Variants in ITPR3 observed in about 807,000 individuals in gnomAD.
ITPR3 encodes inositol 1,4,5-trisphosphate receptor type 3, also known as inositol 1,4,5-trisphosphate-gated calcium channel ITPR3.
Under a neutral mutation model 293.2 loss-of-function variants are expected in ITPR3, and 173 were observed. The ratio of observed to expected loss-of-function variants is 0.59; its 90% CI spans 0.52 to 0.67. The LOEUF (loss-of-function observed/expected upper bound fraction) is 0.67. Ranked by LOEUF, ITPR3 falls within the 30% of genes least tolerant of loss-of-function variation. The pLI is 0.00. For synonymous variants in ITPR3, 1,295 were observed against 1,444.4 expected, an observed-to-expected ratio of 0.90 and a Z score of 2.35; for missense variants, 2,796 against 3,592.1, an observed-to-expected ratio of 0.78 and a Z score of 5.66.
Position 33,633,364 on chromosome 6 carries a change from C to T in ITPR3, c.90-7120C>T, listed in dbSNP as rs758537346. Among the ~76,000 whole-genome samples, 116 of 152,308 alleles carry T rather than the reference C, an allele frequency of 7.6e-4. No individual in the cohort carries two copies. The highest frequency in any genetic ancestry group is 1.4e-3 in the Non-Finnish European group (93 of 68,020). ...GGGGTGAAGCGAAGCGGCCACTTAC[C>T]CCTGTAGAGCGCGGCTCTGGTTTCA... On this transcript the variant is annotated intron_variant, in intron 1 of 57. Transcript: ENST00000605930. The surrounding 1 kb of genome is among the most constrained non-coding windows in gnomAD (Gnocchi z 5.2).
rs376960318 is a variant in ITPR3 at position 33,683,974 on chromosome 6, G to C, written c.4789-46G>C. ...GGTCGGAGGAATGGCAGTCACACCC[G>C]GGTCATTTCTTGGGCCTGGCAATGA... On this transcript the variant is annotated intron_variant, in intron 35 of 57. Coordinates refer to ENST00000605930, the MANE Select transcript of ITPR3 (RefSeq NM_002224.4). The surrounding 1 kb of genome is among the most constrained non-coding windows in gnomAD (Gnocchi z 4.5). 1 of 1,552,462 alleles carries C rather than the reference G, an allele frequency of 6.4e-7. No homozygotes were observed. The highest frequency in any genetic ancestry group is 1.4e-5 in the African/African-American group (1 of 73,848).
rs1024261542 is a variant in ITPR3 at position 33,667,624 on chromosome 6, A to G, written c.1714-168A>G. The stretch of plus-strand genomic sequence containing the variant: ...GAAACAGCCCACAAGCTAAATAACT[A>G]TGTAATGTAAGCCACTCTTCTGCCC... On this transcript the variant is annotated intron_variant, in intron 15 of 57. Coordinates refer to ENST00000605930, the MANE Select transcript of ITPR3 (RefSeq NM_002224.4). The surrounding 1 kb of genome is among the most constrained non-coding windows in gnomAD (Gnocchi z 4.4). 3.3e-5 allele frequency among the ~76,000 whole-genome samples: 5 copies of G among 152,190 alleles called. No homozygotes were observed. The highest frequency in any genetic ancestry group is 1.9e-4 in the East Asian group (1 of 5,196).
rs760282940 is a variant in ITPR3, at chr6:33,687,289, C to G, written c.6139C>G (p.Arg2047Gly). The G allele has an allele frequency of 1.2e-6, 2 of 1,613,234 alleles. No homozygotes were observed. Among genetic ancestry groups the G allele is most frequent in the South Asian group, 2.2e-5 (2 of 91,046 alleles). ...GCGTGAGAACTCGGAGGTGAGCCCACGTGAAGTGGGCCATAACATCTATAT... is the reference window on the plus strand; with the variant it reads ...GCGTGAGAACTCGGAGGTGAGCCCAGGTGAAGTGGGCCATAACATCTATAT... ...EERENSEVSP[R>G]EVGHNIYILA... Residue 2047 changes from arginine (R) to glycine (G), a missense_variant, in exon 45 of 58, where the codon CGT (arginine) becomes GGT (glycine). By Grantham distance (125) the Arg-to-Gly change is moderately radical. This residue lies in a region of ITPR3 where 704 missense variants were observed against 797.5 expected (regional missense o/e 0.88). Transcript: ENST00000605930. The surrounding 1 kb of genome is among the most constrained non-coding windows in gnomAD (Gnocchi z 5.3).
In ITPR3 at chr6:33,692,683, ATG is replaced by A; in HGVS notation, c.7459-42_7459-41del. On this transcript the variant is annotated intron_variant, in intron 54 of 57. Transcript: ENST00000605930. The surrounding 1 kb of genome is among the most constrained non-coding windows in gnomAD (Gnocchi z 4.2). ...CCTGAGTCCTATCTTGCCCCAGTGA[ATG>A]TGGGGACCACCGGGCCCAGCCTCCC... is the stretch of plus-strand genomic sequence containing the variant. The A allele has an allele frequency of 6.3e-7, 1 of 1,596,338 alleles. No homozygotes were observed. Among genetic ancestry groups the A allele is most frequent in the Non-Finnish European group, 8.6e-7 (1 of 1,166,942 alleles).
At position 33,682,966 on chromosome 6, in the gene ITPR3, A is replaced by G. The variant is rs2296329; in HGVS notation, c.4598-241A>G. Among the ~76,000 whole-genome samples the G allele has an allele frequency of 0.19, 28,718 of 151,502 alleles. 3,143 individuals are homozygous for G. Among genetic ancestry groups the G allele is most frequent in the South Asian group, 0.33 (1,576 of 4,802 alleles). ...GGGAAGAAGAGAGGACAGGTGAGAGAGAGGAAGGGGAAGTCAGGGTAGAGC... is the reference window on the plus strand; with the variant it reads ...GGGAAGAAGAGAGGACAGGTGAGAGGGAGGAAGGGGAAGTCAGGGTAGAGC... On this transcript the variant is annotated intron_variant, in intron 34 of 57. Coordinates refer to ENST00000605930, the MANE Select transcript of ITPR3 (RefSeq NM_002224.4). This position sits in a 1 kb window ranked among gnomAD's most constrained non-coding sequence, Gnocchi z 5.4.
chr6:33,695,827 T>A lies in ITPR3; in HGVS notation c.*47T>A, dbSNP rs773831132. ...ACAGGGGATGCTCATCACTGGAGAC[T>A]GCGACTGGGAAGAACACTGCCCCCT... is the stretch of plus-strand genomic sequence containing the variant. On this transcript the variant is annotated 3_prime_UTR_variant, in exon 58 of 58. Transcript: ENST00000605930. 6.3e-7 allele frequency: 1 copy of A among 1,588,760 alleles called. No homozygotes were observed. The highest frequency in any genetic ancestry group is 1.1e-5 in the South Asian group (1 of 90,644).
chr6:33,649,705 T>C (rs1764145717), intron 2 of ITPR3, among the ~76,000 whole-genome samples: 1 of 152,218 alleles, frequency 6.6e-6, no homozygotes, highest in South Asian at 2.1e-4. Flanking sequence ...CTTGCTTTGC[T>C]CTCTGTCCTT....
At chr6:33,663,596 G>A (rs777369787) in intron 10 of ITPR3, 46 bp downstream of exon 10, 3 of 1,596,910 alleles carry the variant, frequency 1.9e-6, no homozygotes, top group Non-Finnish European at 2.6e-6. Context: ...GCCTGCCCTG[G>A]GGGTAGGCGG....
Position 33,667,637 on chromosome 6 carries a change from C to G in ITPR3, c.1714-155C>G, listed in dbSNP as rs1764645806. 6.6e-6 allele frequency among the ~76,000 whole-genome samples: 1 copy of G among 152,214 alleles called. No individual in the cohort carries two copies. Among genetic ancestry groups the G allele is most frequent in the Non-Finnish European group, 1.5e-5 (1 of 68,048 alleles). ...AGCTAAATAACTATGTAATGTAAGC[C>G]ACTCTTCTGCCCAGCGATGCTTCCT... On this transcript the variant is annotated intron_variant, in intron 15 of 57. Transcript: ENST00000605930. The surrounding 1 kb of genome is among the most constrained non-coding windows in gnomAD (Gnocchi z 4.4).
Position 33,655,662 on chromosome 6 carries a change from G to T in ITPR3, c.161-104G>T. 6.8e-7 allele frequency: 1 copy of T among 1,461,562 alleles called. No individual in the cohort carries two copies. The highest frequency in any genetic ancestry group is 9.4e-7 in the Non-Finnish European group (1 of 1,068,012). The allele number at this position is 1,461,562 out of a possible 1,614,324, so 90.5% of individuals were successfully genotyped here. A position where few individuals can be genotyped will look rare whatever the true frequency, so the allele number is the denominator to read the frequency against. On this transcript the variant is annotated intron_variant, in intron 2 of 57. Coordinates refer to ENST00000605930, the MANE Select transcript of ITPR3 (RefSeq NM_002224.4). This position sits in a 1 kb window ranked among gnomAD's most constrained non-coding sequence, Gnocchi z 4.9. ...TCTACCTGCAGCGGGGAACGGGGGT[G>T]GGGAAGGGTTGGGAGAGAAGAGCTG...
chr6:33,649,524 CTATTTT>C (rs1764141792), intron 2 of ITPR3, among the ~76,000 whole-genome samples: 1 of 152,220 alleles, frequency 6.6e-6, no homozygotes, highest in Admixed American at 6.5e-5. Flanking sequence ...CGCGCCCAGC[CTATTTT>C]TATTTTTAAG....
At chr6:33,636,610 G>T (rs1380362946) in intron 1 of ITPR3, among the ~76,000 whole-genome samples, 2 of 151,938 alleles carry the variant, frequency 1.3e-5, no homozygotes, top group African/African-American at 4.8e-5. Flanking sequence ...AGTTGCCATC[G>T]ACTGAGATGG....
At position 33,684,234 on chromosome 6, in the gene ITPR3, T is replaced by TGGGGACTAGACAGGCTCACTGGGTCAG; in HGVS notation, c.4937+67_4937+93dup. Reference sequence around the variant, plus strand: ...CGGCAGGGGACAGAGAAGGGCCCGGTGGGGACTAGACAGGCTCACTGGGTC... The same window carrying TGGGGACTAGACAGGCTCACTGGGTCAG: ...CGGCAGGGGACAGAGAAGGGCCCGGTGGGGACTAGACAGGCTCACTGGGTCAGGGGGACTAGACAGGCTCACTGGGTC... On this transcript the variant is annotated intron_variant, in intron 36 of 57. Transcript: ENST00000605930. This position sits in a 1 kb window ranked among gnomAD's most constrained non-coding sequence, Gnocchi z 4.2. The TGGGGACTAGACAGGCTCACTGGGTCAG allele has an allele frequency of 6.9e-6, 11 of 1,598,962 alleles. No homozygotes were observed. In the South Asian group the frequency reaches 1.2e-4, roughly 18 times the overall value.
rs533205079 is a variant in ITPR3, at chr6:33,633,936, G to C, written c.90-6548G>C. On this transcript the variant is annotated intron_variant, in intron 1 of 57. Transcript: ENST00000605930. This position sits in a 1 kb window ranked among gnomAD's most constrained non-coding sequence, Gnocchi z 5.2. ...GAACCGCTCCCACCACGCAGCGATG[G>C]GGAGGTCGCGGCCTCGCCCGGTGAG... Among the ~76,000 whole-genome samples, 1 of 151,976 alleles carries C rather than the reference G, an allele frequency of 6.6e-6. No homozygotes were observed. The highest frequency in any genetic ancestry group is 2.1e-4 in the South Asian group (1 of 4,830).
intron 43 of ITPR3, 33 bp downstream of exon 43, chr6:33,686,552 G>T (rs373632630): frequency 7.3e-6 from 11 of 1,500,816 alleles, no homozygotes; most frequent in Non-Finnish European, 9.3e-6. Context: ...TGAGTGCTGG[G>T]TGTGCATGTG....
chr6:33,695,753 G>A lies in ITPR3; in HGVS notation c.7989G>A (p.Val2663=). The A allele has an allele frequency of 4.3e-6, 7 of 1,614,160 alleles. No individual in the cohort carries two copies. The highest frequency in any genetic ancestry group is 5.1e-6 in the Non-Finnish European group (6 of 1,180,038). ...QRKRRQRLGF[V]DVQNCISR ...AACGCAGGCAACGCCTAGGCTTTGT[G>A]GATGTCCAGAACTGCATTAGCCGCT... The change falls in exon 58 of 58, where the codon GTG becomes GTA. Residue 2663 remains valine, a synonymous_variant. Coordinates refer to ENST00000605930, the MANE Select transcript of ITPR3 (RefSeq NM_002224.4).
rs1765035316 is a variant in ITPR3 at position 33,680,349 on chromosome 6, C to T, written c.4245C>T (p.Asn1415=). Residue 1415 remains asparagine (N), a synonymous_variant, in exon 32 of 58, where the codon AAC becomes AAT. Transcript: ENST00000605930. The stretch of plus-strand genomic sequence containing the variant: ...CCCAGGTGAAAATGGCCTATGTGAA[C>T]TTCGTGAACCACTGCTACGTGGACA... The part of the protein sequence containing the change: ...CITEVKMAYV[N]FVNHCYVDTE... The T allele has an allele frequency of 6.2e-7, 1 of 1,613,764 alleles. No individual in the cohort carries two copies.
rs1301500782 is a variant in ITPR3, at chr6:33,691,686, G to A, written c.7297G>A (p.Val2433Ile). 1 of 1,613,964 alleles carries A rather than the reference G, an allele frequency of 6.2e-7. No individual in the cohort carries two copies. The highest frequency in any genetic ancestry group is 8.5e-7 in the Non-Finnish European group (1 of 1,179,988). Residue 2433 changes from valine to isoleucine, a missense_variant, in exon 53 of 58, where the codon GTC becomes ATC. By Grantham distance (29) the Val-to-Ile change is conservative. Coordinates refer to ENST00000605930, the MANE Select transcript of ITPR3 (RefSeq NM_002224.4). This position sits in a 1 kb window ranked among gnomAD's most constrained non-coding sequence, Gnocchi z 4.9. Reference protein sequence around the residue: ...DTCSGDKMDCVSGLSVPEVLE... With the variant: ...DTCSGDKMDCISGLSVPEVLE... ...CTGCAGTGGGGACAAGATGGACTGT[G>A]TCTCAGGGCTCTCGGTGCCTGAGGT...
rs1370941552 is a variant in ITPR3, at chr6:33,652,176, T to A, written c.161-3590T>A. Among the ~76,000 whole-genome samples, 5 of 152,190 alleles carry A rather than the reference T, an allele frequency of 3.3e-5. No homozygotes were observed. The South Asian group carries it at 8.3e-4, about 25-fold the overall frequency. On this transcript the variant is annotated intron_variant, in intron 2 of 57. Coordinates refer to ENST00000605930, the MANE Select transcript of ITPR3 (RefSeq NM_002224.4). ...GAGGAACCTCTGTCCTGTTTCTAGA[T>A]GCGCCATATCCTCTCCCACCTCCTG...
Sources: allele counts gnomAD v4.1 joint callset (sites outside exome capture counted in the v4.1 genomes callset), GRCh38; gene constraint gnomAD v4.1.1; regional missense constraint gnomAD v4.1.1; non-coding constraint Gnocchi (gnomAD v3.1); transcripts MANE v1.5; gene names NCBI Gene and HGNC (gene_info 2026-07-23, HGNC 2026-07-21).